Variants in MINAR1 observed in about 807,000 individuals in gnomAD.
MINAR1 encodes membrane integral NOTCH2 associated receptor 1, also known as major intrinsically disordered Notch2-binding receptor 1.
MINAR1 carries 40 observed loss-of-function variants against 65.1 expected under a neutral mutation model. That is an observed-to-expected ratio of 0.61 (90% CI 0.48 to 0.80). The LOEUF is 0.80. MINAR1 is among the 30% of genes least tolerant of loss of function. The pLI is 0.00. For synonymous variants in MINAR1, 482 were observed against 449.1 expected, an observed-to-expected ratio of 1.07 and a Z score of -0.93; for missense variants, 1,128 against 1,148.0, an observed-to-expected ratio of 0.98 and a Z score of 0.25.
At chr15:79,445,104 G>A (rs1894978087) in intron 1 of MINAR1, among the ~76,000 whole-genome samples, 1 of 151,820 alleles carries the variant, frequency 6.6e-6, no homozygotes, top group Non-Finnish European at 1.5e-5. Flanking sequence ...CTGGTGAGTT[G>A]TTTTTATTTA....
chr15:79,463,275 C>A lies in MINAR1; in HGVS notation c.2507C>A (p.Ala836Glu). 1 of 1,614,184 alleles carries A rather than the reference C, an allele frequency of 6.2e-7. No homozygotes were observed. Among genetic ancestry groups the A allele is most frequent in the Non-Finnish European group, 8.5e-7 (1 of 1,180,020 alleles). ...CCTTCTTGGACCATTGAGGAGTATG[C>A]ACGGAATGCGGGCGACAAGGGCAAG... ...GQPSWTIEEY[A>E]RNAGDKGKLT... The change falls in exon 3 of 4, where the codon GCA (alanine) becomes GAA (glutamate). Residue 836 changes from alanine (A) to glutamate (E), a missense_variant. Coordinates refer to ENST00000305428, the MANE Select transcript of MINAR1 (RefSeq NM_015206.3).
In MINAR1 at chr15:79,457,399, AAGGATCAAC is replaced by A. The variant is rs1567058467; in HGVS notation, c.1255_1263del (p.Asp419_Gln421del). The A allele has an allele frequency of 6.2e-7, 1 of 1,614,202 alleles. No individual in the cohort carries two copies. The highest frequency in any genetic ancestry group is 1.7e-5 in the Admixed American group (1 of 60,020). ...AAGGCGCCCAACTTACCTTGTGCCA[AAGGATCAAC>A]AGCCAATTCTCCCCATTGCTTATGC... On this transcript the variant is annotated inframe_deletion, in exon 2 of 4. Transcript: ENST00000305428.
the MINAR1 span, chr15:79,421,812 C>T: frequency 6.6e-6 from 1 of 152,266 alleles, no homozygotes; most frequent in African/African-American, 2.4e-5. Flanking sequence ...AGCACTTCTC[C>T]AGGGAAGGCA....
Position 79,456,901 on chromosome 15 carries a change from T to A in MINAR1, c.754T>A (p.Ser252Thr). Residue 252 changes from serine (S) to threonine (T), a missense_variant, in exon 2 of 4, where the codon TCC becomes ACC. Coordinates refer to ENST00000305428, the MANE Select transcript of MINAR1 (RefSeq NM_015206.3). Reference protein sequence around the residue: ...ISNEEPFVVQSCVQKRNIFKE... With the variant: ...ISNEEPFVVQTCVQKRNIFKE... Reference sequence around the variant, plus strand: ...CAATGAGGAGCCATTTGTGGTCCAGTCCTGTGTCCAGAAAAGGAATATCTT... The same window carrying A: ...CAATGAGGAGCCATTTGTGGTCCAGACCTGTGTCCAGAAAAGGAATATCTT... 6.2e-7 allele frequency: 1 copy of A among 1,614,138 alleles called. No individual in the cohort carries two copies. Among genetic ancestry groups the A allele is most frequent in the Non-Finnish European group, 8.5e-7 (1 of 1,180,024 alleles).
upstream of MINAR1, among the ~76,000 whole-genome samples, chr15:79,431,060 A>C (rs2141271226): frequency 6.6e-6 from 1 of 152,234 alleles, no homozygotes; most frequent in Admixed American, 6.5e-5. Flanking sequence ...TGCTCCGATC[A>C]CAGGTAGCAA....
chr15:79,441,178 T>A (rs1894858007), intron 1 of MINAR1, among the ~76,000 whole-genome samples: 1 of 152,146 alleles, frequency 6.6e-6, no homozygotes, highest in Non-Finnish European at 1.5e-5. Flanking sequence ...TTATTTTTTA[T>A]TATAAAATCA....
upstream of MINAR1, among the ~76,000 whole-genome samples, chr15:79,429,892 G>C (rs116560872): frequency 2.6e-5 from 4 of 152,200 alleles, no homozygotes; most frequent in Non-Finnish European, 5.9e-5. Flanking sequence ...TTCCCAGAGA[G>C]GGGGGCATAG....
In MINAR1 at chr15:79,441,343, T is replaced by C. The variant is rs28460791; in HGVS notation, c.-51+8803T>C. Among the ~76,000 whole-genome samples, 106 of 152,314 alleles carry C rather than the reference T, an allele frequency of 7.0e-4. 1 individual carries two copies. Among genetic ancestry groups the C allele is most frequent in the African/African-American group, 2.5e-3 (103 of 41,574 alleles). ...TAATACAACCAACCATTTAGTGGTA[T>C]ACTTTTTCACTTAAGAATACATCAT... On this transcript the variant is annotated intron_variant, in intron 1 of 3. Transcript: ENST00000305428.
In MINAR1 at chr15:79,466,079, CAGA is replaced by C. The variant is rs1464091320; in HGVS notation, c.2554-2107_2554-2105del. 3.4e-3 allele frequency among the ~76,000 whole-genome samples: 514 copies of C among 152,258 alleles called. 2 individuals carry two copies. The highest frequency in any genetic ancestry group is 0.012 in the African/African-American group (487 of 41,552). On this transcript the variant is annotated intron_variant, in intron 3 of 3. Transcript: ENST00000305428. ...TTCTTGCAAAGGCTGAAGGGTTGGACAGAGCACTCTGCACAATAGGGACTTTTC... is the reference window on the plus strand; with the variant it reads ...TTCTTGCAAAGGCTGAAGGGTTGGACGCACTCTGCACAATAGGGACTTTTC...
At chr15:79,424,339 T>C in the MINAR1 span, 1 of 152,232 alleles carries the variant, frequency 6.6e-6, no homozygotes, top group Non-Finnish European at 1.5e-5. Flanking sequence ...CGTTGAACTT[T>C]CCTTTTCAGG....
At chr15:79,448,861 C>T (rs1228174094) in intron 1 of MINAR1, among the ~76,000 whole-genome samples, 6 of 152,230 alleles carry the variant, frequency 3.9e-5, no homozygotes, top group Non-Finnish European at 8.8e-5. Context: ...ATACTACAAA[C>T]TATATCCCTA....
upstream of MINAR1, among the ~76,000 whole-genome samples, chr15:79,428,761 C>G (rs1894376708): frequency 6.6e-6 from 1 of 152,248 alleles, no homozygotes; most frequent in Admixed American, 6.5e-5. Flanking sequence ...TATAATGATG[C>G]TATATCCAGT....
intron 1 of MINAR1, among the ~76,000 whole-genome samples, chr15:79,455,722 T>C (rs1263268522): frequency 6.6e-6 from 1 of 152,228 alleles, no homozygotes; most frequent in East Asian, 1.9e-4. Context: ...TTGTTCTTTT[T>C]TGCTGATGCG....
chr15:79,421,575 T>G, the MINAR1 span: 1 of 152,248 alleles, frequency 6.6e-6, no homozygotes. Context: ...TGGATTTGAA[T>G]GAAGTTCTAG....
Position 79,472,267 on chromosome 15 carries a change from C to A in MINAR1, c.*3883C>A, listed in dbSNP as rs553301591. 1.3e-5 allele frequency: 2 copies of A among 152,508 alleles called. No homozygotes were observed. The highest frequency in any genetic ancestry group is 4.8e-5 in the African/African-American group (2 of 41,502). The allele number at this position is 152,508 out of a possible 1,614,324, so 9.4% of individuals were successfully genotyped here. ...AAGCTATCATGTAAAATTGGCCTCTCCAAATATAATCAGAAATAAACCGAA... is the reference window on the plus strand; with the variant it reads ...AAGCTATCATGTAAAATTGGCCTCTACAAATATAATCAGAAATAAACCGAA... On this transcript the variant is annotated 3_prime_UTR_variant, in exon 4 of 4. Transcript: ENST00000305428.
rs1326223216 is a variant in MINAR1, at chr15:79,456,971, T to A, written c.824T>A (p.Val275Asp). Residue 275 changes from valine (V) to aspartate (D), a missense_variant, in exon 2 of 4, where the codon GTT becomes GAT. By Grantham distance (152) the Val-to-Asp change is radical. Coordinates refer to ENST00000305428, the MANE Select transcript of MINAR1 (RefSeq NM_015206.3). ...HNLMAVSPSL[V>D]GPISKAENEH... ...TTGATGGCAGTGTCCCCCAGTTTGG[T>A]TGGCCCCATCAGCAAAGCAGAGAAT... 1 of 1,614,150 alleles carries A rather than the reference T, an allele frequency of 6.2e-7. No individual in the cohort carries two copies. Among genetic ancestry groups the A allele is most frequent in the Admixed American group, 1.7e-5 (1 of 60,020 alleles).
chr15:79,421,955 A>G, the MINAR1 span: 1 of 152,210 alleles, frequency 6.6e-6, no homozygotes, highest in Admixed American at 6.5e-5. Flanking sequence ...GTGGATGGAG[A>G]CACATTGTAT....
chr15:79,457,974 G>A lies in MINAR1; in HGVS notation c.1827G>A (p.Lys609=). 2 of 1,614,132 alleles carry A rather than the reference G, an allele frequency of 1.2e-6. No homozygotes were observed. The highest frequency in any genetic ancestry group is 1.3e-5 in the African/African-American group (1 of 75,054). The change falls in exon 2 of 4, where the codon AAG becomes AAA. Residue 609 remains lysine, a synonymous_variant. Transcript: ENST00000305428. The part of the protein sequence containing the change: ...LVLRIGEIER[K]LESLSGVRDE... Reference sequence around the variant, plus strand: ...TCAGGATTGGCGAAATTGAACGGAAGCTGGAATCCCTGTCGGGTGTCCGTG... The same window carrying A: ...TCAGGATTGGCGAAATTGAACGGAAACTGGAATCCCTGTCGGGTGTCCGTG...
chr15:79,443,489 A>G (rs1423944999), intron 1 of MINAR1, among the ~76,000 whole-genome samples: 4 of 152,214 alleles, frequency 2.6e-5, no homozygotes, highest in African/African-American at 4.8e-5. Context: ...AGAAACCGCT[A>G]TCCCAAACCT....
Sources: allele counts gnomAD v4.1 joint callset (sites outside exome capture counted in the v4.1 genomes callset), GRCh38; gene constraint gnomAD v4.1.1; transcripts MANE v1.5; gene names NCBI Gene and HGNC (gene_info 2026-07-23, HGNC 2026-07-21).